PPARGC1A: variants seen among roughly 807,000 people sequenced by gnomAD.
The protein encoded by PPARGC1A is PPARG coactivator 1 alpha.
A neutral mutation model predicts 88.7 loss-of-function variants in PPARGC1A; 25 were observed. That is an observed-to-expected ratio of 0.28 (90% confidence interval 0.21 to 0.39). The LOEUF (loss-of-function observed/expected upper bound fraction) is 0.39. PPARGC1A is among the 10% of genes least tolerant of loss of function. The probability of loss-of-function intolerance (pLI) is 1.00; values close to 1 mark genes in which losing one functional copy is unlikely to be tolerated. For synonymous variants in PPARGC1A, 363 were observed against 355.6 expected, an observed-to-expected ratio of 1.02 and a Z score of -0.24; for missense variants, 880 against 968.7, an observed-to-expected ratio of 0.91 and a Z score of 1.22.
chr4:24,433,654 G>A, the PPARGC1A span, among the ~76,000 whole-genome samples: 16 of 152,118 alleles, frequency 1.1e-4, no homozygotes, highest in Non-Finnish European at 1.6e-4. Context: ...CCCACATGAC[G>A]GGGTAATGTG....
At chr4:24,006,611 A>G in the PPARGC1A span, among the ~76,000 whole-genome samples, 1 of 152,200 alleles carries the variant, frequency 6.6e-6, no homozygotes, top group Non-Finnish European at 1.5e-5. Context: ...AAAACATTCT[A>G]TACAGTTTGT....
chr4:24,420,849 C>G, the PPARGC1A span, among the ~76,000 whole-genome samples: 1 of 152,132 alleles, frequency 6.6e-6, no homozygotes, highest in Non-Finnish European at 1.5e-5. Flanking sequence ...ATTTACTGCT[C>G]ACAATTCTGG....
At chr4:24,097,102 G>A in the PPARGC1A span, among the ~76,000 whole-genome samples, 1 of 152,104 alleles carries the variant, frequency 6.6e-6, no homozygotes, top group Non-Finnish European at 1.5e-5. Flanking sequence ...TCAACAATGG[G>A]GAAGGGAGGG....
the PPARGC1A span, among the ~76,000 whole-genome samples, chr4:24,207,869 AACAGTCATC>A: frequency 1.3e-5 from 2 of 152,248 alleles, no homozygotes; most frequent in South Asian, 4.1e-4. Context: ...ATACCATGAC[AACAGTCATC>A]ACAGTCAAAT....
chr4:24,099,807 C>T, the PPARGC1A span, among the ~76,000 whole-genome samples: 17 of 151,828 alleles, frequency 1.1e-4, no homozygotes, highest in Non-Finnish European at 1.9e-4. Context: ...AGACAGGGTG[C>T]AAGAATTTCA....
intron 2 of PPARGC1A, among the ~76,000 whole-genome samples, chr4:23,851,768 C>A (rs775319806): frequency 6.6e-6 from 1 of 152,122 alleles, no homozygotes; most frequent in African/African-American, 2.4e-5. Context: ...ACTAGTTACA[C>A]CAAAGATTCT....
chr4:24,066,090 G>T, the PPARGC1A span, among the ~76,000 whole-genome samples: 1 of 151,906 alleles, frequency 6.6e-6, no homozygotes, highest in South Asian at 2.1e-4. Flanking sequence ...CGTCTCCTTG[G>T]GTGCCTTCAG....
the PPARGC1A span, among the ~76,000 whole-genome samples, chr4:24,194,626 G>A: frequency 1.7e-4 from 10 of 58,758 alleles, no homozygotes; most frequent in African/African-American, 6.2e-4. Context: ...GCGCGCACGC[G>A]CGCGCACACA....
the PPARGC1A span, among the ~76,000 whole-genome samples, chr4:24,160,616 A>G: frequency 1.3e-3 from 191 of 152,066 alleles, no homozygotes; most frequent in African/African-American, 4.2e-3. Flanking sequence ...CATCATCTCA[A>G]CTCAGCTGTT....
chr4:24,065,090 T>A, the PPARGC1A span, among the ~76,000 whole-genome samples: 1 of 152,056 alleles, frequency 6.6e-6, no homozygotes, highest in Non-Finnish European at 1.5e-5. Context: ...CACCATAGGG[T>A]AATACTATTC....
chr4:24,360,145 C>T, the PPARGC1A span, among the ~76,000 whole-genome samples: 4 of 152,172 alleles, frequency 2.6e-5, no homozygotes, highest in Non-Finnish European at 5.9e-5. Flanking sequence ...CTCATTTCAG[C>T]CACATCAACT....
At chr4:24,221,225 A>T in the PPARGC1A span, among the ~76,000 whole-genome samples, 2 of 152,130 alleles carry the variant, frequency 1.3e-5, no homozygotes, top group Non-Finnish European at 2.9e-5. Context: ...CATTCCTTAA[A>T]TTTTTACTAT....
chr4:24,280,122 C>T, the PPARGC1A span, among the ~76,000 whole-genome samples: 1 of 152,166 alleles, frequency 6.6e-6, no homozygotes, highest in Admixed American at 6.5e-5. Flanking sequence ...TAACCACTGG[C>T]TTGCAGAGAT....
chr4:23,977,450 T>A, the PPARGC1A span, among the ~76,000 whole-genome samples: 1 of 152,238 alleles, frequency 6.6e-6, no homozygotes, highest in East Asian at 1.9e-4. Flanking sequence ...CTCACTGTGA[T>A]AAACAGACAA....
chr4:24,200,426 A>T, the PPARGC1A span, among the ~76,000 whole-genome samples: 1 of 151,866 alleles, frequency 6.6e-6, no homozygotes, highest in Non-Finnish European at 1.5e-5. Context: ...CAAGAGAATC[A>T]CCTGAGCCCA....
At chr4:23,888,318 G>A (rs1219702936) in intron 1 of PPARGC1A, among the ~76,000 whole-genome samples, 1 of 152,202 alleles carries the variant, frequency 6.6e-6, no homozygotes, top group Non-Finnish European at 1.5e-5. Flanking sequence ...TGCTTCTGAT[G>A]TTTATTTGAA....
At chr4:24,262,931 C>T in the PPARGC1A span, among the ~76,000 whole-genome samples, 4 of 152,168 alleles carry the variant, frequency 2.6e-5, no homozygotes, top group Non-Finnish European at 4.4e-5. Context: ...CAGACGGCTC[C>T]ATGCACATTA....
intron 2 of PPARGC1A, among the ~76,000 whole-genome samples, chr4:23,866,490 A>T (rs1247183062): frequency 1.3e-5 from 2 of 152,218 alleles, no homozygotes; most frequent in African/African-American, 2.4e-5. Flanking sequence ...ATCTATATGA[A>T]AAAAGCTCTT....
At chr4:24,321,602 G>A in the PPARGC1A span, among the ~76,000 whole-genome samples, 1 of 152,174 alleles carries the variant, frequency 6.6e-6, no homozygotes, top group Admixed American at 6.5e-5. Flanking sequence ...ACCCAGAGAG[G>A]CACCAATAGA....
Sources: allele counts gnomAD v4.1 joint callset (sites outside exome capture counted in the v4.1 genomes callset), GRCh38; gene constraint gnomAD v4.1.1; transcripts MANE v1.5; gene names NCBI Gene and HGNC (gene_info 2026-07-23, HGNC 2026-07-21).